Variants in GABRB2 observed in about 807,000 individuals in gnomAD.
The protein encoded by GABRB2 is gamma-aminobutyric acid type A receptor subunit beta2.
In GABRB2, 16 loss-of-function variants were observed where a neutral mutation model predicts 54.7. The ratio of observed to expected loss-of-function variants is 0.29; its 90% CI spans 0.20 to 0.44. The LOEUF (loss-of-function observed/expected upper bound fraction) is 0.44. GABRB2 is among the 20% of genes least tolerant of loss of function. GABRB2 has a pLI of 1.00. For synonymous variants in GABRB2, 244 were observed against 233.8 expected, an observed-to-expected ratio of 1.04 and a Z score of -0.40; for missense variants, 355 against 644.0, an observed-to-expected ratio of 0.55 and a Z score of 4.86.
At chr5:161,448,771 C>A (rs1299331549) in intron 4 of GABRB2, among the ~76,000 whole-genome samples, 1 of 152,094 alleles carries the variant, frequency 6.6e-6, no homozygotes, top group Non-Finnish European at 1.5e-5. Context: ...ACAAAATGAC[C>A]TTCCATGTGT....
chr5:161,478,288 ATTAAG>A (rs1758654984), intron 3 of GABRB2, among the ~76,000 whole-genome samples: 1 of 152,038 alleles, frequency 6.6e-6, no homozygotes, highest in Non-Finnish European at 1.5e-5. Context: ...ACATAACACC[ATTAAG>A]TTATTTTTAA....
intron 3 of GABRB2, among the ~76,000 whole-genome samples, chr5:161,485,888 G>A (rs1205383609): frequency 1.3e-5 from 2 of 151,796 alleles, no homozygotes; most frequent in Non-Finnish European, 2.9e-5. Context: ...GTGGGTGTGG[G>A]GGTGCATTAG....
intron 7 of GABRB2, among the ~76,000 whole-genome samples, chr5:161,332,091 G>A (rs1024071465): frequency 1.6e-4 from 24 of 150,108 alleles, no homozygotes; most frequent in East Asian, 3.9e-4. Flanking sequence ...GCGTGAACCC[G>A]GGAGGCGGAG....
intron 5 of GABRB2, among the ~76,000 whole-genome samples, chr5:161,400,396 G>T (rs1756146644): frequency 6.6e-6 from 1 of 152,092 alleles, no homozygotes; most frequent in African/African-American, 2.4e-5. Flanking sequence ...CCTTTCCTGA[G>T]CCTAAAAGTA....
At chr5:161,363,346 G>A (rs1177864044) in intron 5 of GABRB2, among the ~76,000 whole-genome samples, 1 of 152,088 alleles carries the variant, frequency 6.6e-6, no homozygotes, top group Non-Finnish European at 1.5e-5. Flanking sequence ...CATGGAGATA[G>A]GGAGGGGAAC....
chr5:161,295,850 C>T (rs1432543806), intron 9 of GABRB2, among the ~76,000 whole-genome samples: 8 of 152,082 alleles, frequency 5.3e-5, no homozygotes, highest in African/African-American at 1.7e-4. Flanking sequence ...AAACACTAAA[C>T]AAATAGATTA....
At chr5:161,427,673 A>G (rs1757042724) in intron 4 of GABRB2, among the ~76,000 whole-genome samples, 2 of 152,230 alleles carry the variant, frequency 1.3e-5, no homozygotes, top group South Asian at 4.1e-4. Context: ...TGCTAAATGT[A>G]ATTACATAAC....
intron 9 of GABRB2, among the ~76,000 whole-genome samples, chr5:161,310,568 G>A (rs1383667563): frequency 6.6e-6 from 1 of 152,128 alleles, no homozygotes; most frequent in African/African-American, 2.4e-5. Context: ...AATCAGAAAA[G>A]CCTCATTATC....
At chr5:161,342,313 A>T (rs564209521) in intron 5 of GABRB2, among the ~76,000 whole-genome samples, 2 of 152,034 alleles carry the variant, frequency 1.3e-5, no homozygotes, top group Non-Finnish European at 2.9e-5. Flanking sequence ...ATCATAAAAT[A>T]ATTTAACACA....
intron 3 of GABRB2, among the ~76,000 whole-genome samples, chr5:161,500,499 G>T (rs1395185649): frequency 6.6e-6 from 1 of 152,020 alleles, no homozygotes. Flanking sequence ...ACAGGGAATT[G>T]GTTAATAGAT....
chr5:161,481,415 C>T (rs963663811), intron 3 of GABRB2, among the ~76,000 whole-genome samples: 1 of 152,008 alleles, frequency 6.6e-6, no homozygotes, highest in African/African-American at 2.4e-5. Flanking sequence ...TTGCCGTAGA[C>T]AGAGGTACCG....
At chr5:161,521,234 G>A (rs766276227) in intron 3 of GABRB2, among the ~76,000 whole-genome samples, 1 of 151,832 alleles carries the variant, frequency 6.6e-6, no homozygotes, top group Admixed American at 6.6e-5. Context: ...TTTGCCCCAA[G>A]TACCTTACCC....
intron 5 of GABRB2, among the ~76,000 whole-genome samples, chr5:161,384,994 T>C (rs1387697954): frequency 6.6e-6 from 1 of 152,082 alleles, no homozygotes; most frequent in Non-Finnish European, 1.5e-5. Flanking sequence ...GTTTGCCTAT[T>C]CCCCTTTAAA....
intron 5 of GABRB2, among the ~76,000 whole-genome samples, chr5:161,354,475 C>T (rs1754559639): frequency 1.3e-5 from 2 of 151,954 alleles, no homozygotes; most frequent in African/African-American, 2.4e-5. Flanking sequence ...AAAACTCTAG[C>T]AACTTCTATG....
chr5:161,330,693 C>A, intron 8 of GABRB2, 190 bp downstream of exon 8: 1 of 724,470 alleles, frequency 1.4e-6, no homozygotes, highest in Non-Finnish European at 2.2e-6. Flanking sequence ...GAAAGGGCAT[C>A]CAAATCTTGT....
intron 3 of GABRB2, among the ~76,000 whole-genome samples, chr5:161,466,535 C>T (rs150528195): frequency 1.3e-5 from 2 of 152,072 alleles, no homozygotes; most frequent in Non-Finnish European, 2.9e-5. Context: ...AAGGAAACAC[C>T]AACATCAGCC....
intron 4 of GABRB2, among the ~76,000 whole-genome samples, chr5:161,440,071 A>AC (rs2113205670): frequency 6.6e-6 from 1 of 150,560 alleles, no homozygotes; most frequent in South Asian, 2.1e-4. Flanking sequence ...CCAAAAAAAA[A>AC]AAAAAAAACA....
chr5:161,416,700 A>C (rs1408993729), intron 4 of GABRB2, among the ~76,000 whole-genome samples: 1 of 81,730 alleles, frequency 1.2e-5, no homozygotes, highest in Non-Finnish European at 2.1e-5. Flanking sequence ...CCGTCTCAAA[A>C]AAAAAAAAAA....
chr5:161,373,688 A>G (rs1184470081), intron 5 of GABRB2, among the ~76,000 whole-genome samples: 2 of 152,164 alleles, frequency 1.3e-5, no homozygotes, highest in Non-Finnish European at 2.9e-5. Flanking sequence ...CAGTTATTAT[A>G]TATTCCCAGC....
Sources: gnomAD v4.1 joint callset for allele counts (sites outside exome capture counted in the v4.1 genomes callset) on GRCh38, gnomAD v4.1.1 for gene constraint, MANE v1.5 for transcripts, NCBI Gene and HGNC (gene_info 2026-07-23, HGNC 2026-07-21) for gene names.